TMEM132B: variants seen among roughly 807,000 people sequenced by gnomAD.
TMEM132B encodes the protein transmembrane protein 132B.
In TMEM132B, 18 loss-of-function variants were observed where a neutral mutation model predicts 90.8. The observed-to-expected ratio is 0.20, with a 90% CI of 0.14 to 0.29. The LOEUF (loss-of-function observed/expected upper bound fraction) is 0.29, where lower values mean the gene tolerates loss of function less well. Among genes scored for constraint, TMEM132B ranks in the 10% least tolerant of loss-of-function variants. The pLI is 1.00. For missense variants in TMEM132B, 1,096 were observed against 1,326.8 expected (o/e 0.83, Z 2.70); for synonymous variants, 504 against 523.3 (o/e 0.96, Z 0.50).
rs537050011 is a variant in TMEM132B at position 125,498,779 on chromosome 12, G to A, written c.1107-20660G>A. On this transcript the variant is annotated intron_variant, in intron 3 of 8. Coordinates refer to ENST00000682704, the MANE Select transcript of TMEM132B (RefSeq NM_001366854.1). The surrounding 1 kb of genome is among the most constrained non-coding windows in gnomAD (Gnocchi z 4.5). ...GTCCTTACAGAGGATACTGGTTAAC[G>A]GTGTCTCTGGAGGTGACTTCCTAAG... Among the ~76,000 whole-genome samples, 1 of 152,284 alleles carries A rather than the reference G, an allele frequency of 6.6e-6. No homozygotes were observed. Among genetic ancestry groups the A allele is most frequent in the South Asian group, 2.1e-4 (1 of 4,832 alleles).
At chr12:125,358,005 T>C (rs1877836426) in intron 2 of TMEM132B, among the ~76,000 whole-genome samples, 1 of 152,220 alleles carries the variant, frequency 6.6e-6, no homozygotes, top group African/African-American at 2.4e-5. Context: ...CTGCCAGCTC[T>C]ATGTAGTGGT....
At chr12:125,297,801 G>A (rs924605118) in intron 1 of TMEM132B, among the ~76,000 whole-genome samples, 1 of 152,070 alleles carries the variant, frequency 6.6e-6, no homozygotes, top group African/African-American at 2.4e-5. Context: ...ATAAATGAAG[G>A]GGGAGCCCTG....
At chr12:125,626,575 T>C (rs905907420) in intron 5 of TMEM132B, among the ~76,000 whole-genome samples, 1 of 152,200 alleles carries the variant, frequency 6.6e-6, no homozygotes, top group East Asian at 1.9e-4. Flanking sequence ...GGTATAGAAC[T>C]ATAGGGCAAT....
At chr12:125,418,263 TA>T (rs11314334) in intron 3 of TMEM132B, among the ~76,000 whole-genome samples, 69,855 of 151,336 alleles carry the variant, frequency 0.46, 16,970 homozygotes, top group South Asian at 0.62. Flanking sequence ...TTAGAAAAGA[TA>T]AAAAAAAAGG....
At chr12:125,637,418 C>T (rs749357880) in intron 5 of TMEM132B, among the ~76,000 whole-genome samples, 6 of 152,188 alleles carry the variant, frequency 3.9e-5, no homozygotes, top group South Asian at 4.1e-4. Context: ...TAAGGACATG[C>T]GCCCGTGTCA....
chr12:125,288,116 CG>C, intron 1 of TMEM132B, among the ~76,000 whole-genome samples: 1 of 150,478 alleles, frequency 6.6e-6, no homozygotes, highest in Non-Finnish European at 1.5e-5. Context: ...TCAGGTGATC[CG>C]CCAGCCTTGC....
chr12:125,191,137 A>T (rs1401982203), intron 1 of TMEM132B, among the ~76,000 whole-genome samples: 1 of 43,392 alleles, frequency 2.3e-5, no homozygotes, highest in Non-Finnish European at 4.3e-5. Context: ...CAGTGACGGG[A>T]AAGGGGTGGT....
In TMEM132B at chr12:125,371,985, G is replaced by GA. The variant is rs368443687; in HGVS notation, c.959+21648dup. Among the ~76,000 whole-genome samples, 62 of 152,210 alleles carry GA rather than the reference G, an allele frequency of 4.1e-4. 1 individual carries two copies. Among genetic ancestry groups the GA allele is most frequent in the African/African-American group, 1.2e-3 (51 of 41,536 alleles). On this transcript the variant is annotated intron_variant, in intron 2 of 8. Transcript: ENST00000682704. The stretch of plus-strand genomic sequence containing the variant: ...CACTTCGGTTAGACAGAATATTTCA[G>GA]AAAAAATCACTAAAAACCAGGAAAG...
intron 2 of TMEM132B, among the ~76,000 whole-genome samples, chr12:125,414,341 A>G (rs1176013810): frequency 6.6e-6 from 1 of 150,992 alleles, no homozygotes; most frequent in Non-Finnish European, 1.5e-5. Flanking sequence ...ACCTGCTGCT[A>G]TGTGTGGATT....
At chr12:125,456,847 T>C (rs1593156237) in intron 3 of TMEM132B, among the ~76,000 whole-genome samples, 2 of 152,230 alleles carry the variant, frequency 1.3e-5, no homozygotes, top group East Asian at 1.9e-4. Flanking sequence ...ATTTTATTTG[T>C]TTTTCTGTAG....
intron 1 of TMEM132B, among the ~76,000 whole-genome samples, chr12:125,250,911 A>G (rs528954463): frequency 6.6e-6 from 1 of 152,338 alleles, no homozygotes; most frequent in South Asian, 2.1e-4. Flanking sequence ...TCCCTTAAAA[A>G]GCCCAGCACA....
rs1305579318 is a variant in TMEM132B at position 125,213,537 on chromosome 12, T to C, written c.67+26671T>C. Among the ~76,000 whole-genome samples the C allele has an allele frequency of 6.6e-6, 1 of 152,244 alleles. No individual in the cohort carries two copies. The highest frequency in any genetic ancestry group is 2.4e-5 in the African/African-American group (1 of 41,464). ...AGTTCTGAGCCCGTAAAAGATTCTTTCATTTTTAGTCAAATGGCTTCTAAC... is the reference window on the plus strand; with the variant it reads ...AGTTCTGAGCCCGTAAAAGATTCTTCCATTTTTAGTCAAATGGCTTCTAAC... On this transcript the variant is annotated intron_variant, in intron 1 of 8. Transcript: ENST00000682704. This position sits in a 1 kb window ranked among gnomAD's most constrained non-coding sequence, Gnocchi z 4.2.
rs897908865 is a variant in TMEM132B, at chr12:125,415,630, G to A, written c.1059G>A (p.Thr353=). ...QEEIDNGSTQ[T]SATLTCMGHR... ...AAATTGATAATGGCAGCACTCAGAC[G>A]TCGGCCACCCTCACCTGCATGGGCC... Residue 353 remains threonine (T), a synonymous_variant, in exon 3 of 9, where the codon ACG becomes ACA. Transcript: ENST00000682704. The surrounding 1 kb of genome is among the most constrained non-coding windows in gnomAD (Gnocchi z 5.3). The A allele has an allele frequency of 1.2e-5, 19 of 1,614,074 alleles. No individual in the cohort carries two copies. Among genetic ancestry groups the A allele is most frequent in the South Asian group, 4.4e-5 (4 of 91,088 alleles).
chr12:125,346,426 T>G (rs1207675900), intron 1 of TMEM132B, among the ~76,000 whole-genome samples: 1 of 152,214 alleles, frequency 6.6e-6, no homozygotes, highest in Non-Finnish European at 1.5e-5. Context: ...CCAAGTCTGG[T>G]GTGCCTGCTT....
chr12:125,411,775 A>C (rs986816616), intron 2 of TMEM132B, among the ~76,000 whole-genome samples: 2 of 152,150 alleles, frequency 1.3e-5, no homozygotes, highest in African/African-American at 4.8e-5. Flanking sequence ...CGGAGGGGCC[A>C]CCTTGGTCTT....
chr12:125,377,278 A>G (rs1878522849), intron 2 of TMEM132B, among the ~76,000 whole-genome samples: 1 of 152,200 alleles, frequency 6.6e-6, no homozygotes, highest in African/African-American at 2.4e-5. Context: ...GACAGCAGGG[A>G]CTTATCCTGA....
chr12:125,585,712 A>G (rs1002917277), intron 5 of TMEM132B: 2 of 152,216 alleles, frequency 1.3e-5, no homozygotes, highest in Admixed American at 6.5e-5. Context: ...TCCACTCCAC[A>G]CAAATGTACT....
intron 2 of TMEM132B, among the ~76,000 whole-genome samples, chr12:125,352,170 C>A (rs536429147): frequency 1.3e-5 from 2 of 152,336 alleles, no homozygotes; most frequent in South Asian, 2.1e-4. Context: ...GATAGTCTGG[C>A]CTTATCCCTG....
chr12:125,441,841 TAAATGCAATAGAAAA>T (rs1191549039), intron 3 of TMEM132B, among the ~76,000 whole-genome samples: 2 of 152,234 alleles, frequency 1.3e-5, no homozygotes, highest in Non-Finnish European at 2.9e-5. Flanking sequence ...TGGTGGAGAT[TAAATGCAATAGAAAA>T]TGAAAAGCAA....
Sources: allele counts gnomAD v4.1 joint callset (sites outside exome capture counted in the v4.1 genomes callset), GRCh38; gene constraint gnomAD v4.1.1; non-coding constraint Gnocchi (gnomAD v3.1); transcripts MANE v1.5; gene names NCBI Gene and HGNC (gene_info 2026-07-23, HGNC 2026-07-21).